Variants in ALMS1 observed in about 807,000 individuals in gnomAD.
ALMS1 encodes the protein centrosome-associated protein ALMS1.
In ALMS1, 271 loss-of-function variants were observed where a neutral mutation model predicts 352.2. The ratio of observed to expected loss-of-function variants is 0.77; its 90% CI spans 0.70 to 0.85. The LOEUF (loss-of-function observed/expected upper bound fraction) is 0.85. Ranked by LOEUF, ALMS1 falls within the 40% of genes least tolerant of loss-of-function variation. The probability of loss-of-function intolerance (pLI) is 0.00; values close to 1 mark genes in which losing one functional copy is unlikely to be tolerated. For synonymous variants in ALMS1, 1,865 were observed against 1,761.2 expected, an observed-to-expected ratio of 1.06 and a Z score of -1.48; for missense variants, 5,445 against 4,870.7, an observed-to-expected ratio of 1.12 and a Z score of -3.51.
Position 73,424,609 on chromosome 2 carries a change from C to G in ALMS1, c.944C>G (p.Ser315Cys). ...GGGTCTCAGTGCCCTTTTTTACCTT[C>G]TGAACAAGGGAATAATGAAGAGACT... ...AVGSQCPFLP[S>C]EQGNNEETIS... is the part of the protein sequence containing the mutation. Residue 315 changes from serine to cysteine, a missense_variant, in exon 5 of 23, where the codon TCT (serine) becomes TGT (cysteine). Ser to Cys is a moderately radical substitution (Grantham distance 112). Transcript: ENST00000613296. 4 of 1,613,946 alleles carry G rather than the reference C, an allele frequency of 2.5e-6. No individual in the cohort carries two copies. In the Middle Eastern group the frequency reaches 5.0e-4, roughly 200 times the overall value.
At chr2:73,526,440 T>C (rs1045900376) in intron 11 of ALMS1, among the ~76,000 whole-genome samples, 1 of 152,124 alleles carries the variant, frequency 6.6e-6, no homozygotes, top group African/African-American at 2.4e-5. Flanking sequence ...TATTTTTCCA[T>C]TTTTTTGTTG....
In ALMS1 at chr2:73,572,731, T is replaced by A. The variant is rs1460043103; in HGVS notation, c.10854T>A (p.Gly3618=). The A allele has an allele frequency of 1.2e-6, 2 of 1,613,948 alleles. No homozygotes were observed. Among genetic ancestry groups the A allele is most frequent in the African/African-American group, 1.3e-5 (1 of 74,892 alleles). The change falls in exon 16 of 23, where the codon GGT becomes GGA. Residue 3618 remains glycine (G), a synonymous_variant. Transcript: ENST00000613296. ...GGCAACAGAGACAGCCTGAGTTGGGTGACAGGAAAGAACTGTCCTTGGTGG... is the reference window on the plus strand; with the variant it reads ...GGCAACAGAGACAGCCTGAGTTGGGAGACAGGAAAGAACTGTCCTTGGTGG... The part of the protein sequence containing the change: ...RQRQQRQPEL[G]DRKELSLVDR...
chr2:73,442,543 A>C (rs901538675), intron 7 of ALMS1, among the ~76,000 whole-genome samples: 1 of 152,150 alleles, frequency 6.6e-6, no homozygotes, highest in Non-Finnish European at 1.5e-5. Context: ...CAGAGAGGGC[A>C]CCAATTTAAT....
At chr2:73,509,082 T>C (rs1416976921) in intron 10 of ALMS1, among the ~76,000 whole-genome samples, 1 of 152,198 alleles carries the variant, frequency 6.6e-6, no homozygotes, top group Non-Finnish European at 1.5e-5. Context: ...GTTGTTATTT[T>C]TTGCTTTCCA....
At chr2:73,495,679 G>C (rs1351895292) in intron 10 of ALMS1, among the ~76,000 whole-genome samples, 1 of 152,176 alleles carries the variant, frequency 6.6e-6, no homozygotes, top group Non-Finnish European at 1.5e-5. Flanking sequence ...AGGTAGATTT[G>C]TAAATTTATG....
chr2:73,483,726 C>T (rs923835927), intron 9 of ALMS1, among the ~76,000 whole-genome samples: 1 of 149,562 alleles, frequency 6.7e-6, no homozygotes, highest in Non-Finnish European at 1.5e-5. Context: ...TTGTAGGTCA[C>T]TCAGGACTTG....
chr2:73,557,072 A>G, intron 13 of ALMS1, 148 bp from the exon 14 acceptor site: 3 of 1,033,800 alleles, frequency 2.9e-6, no homozygotes, highest in East Asian at 4.8e-5. Context: ...TTCATGTCAC[A>G]GTTTTTACAC....
intron 21 of ALMS1, among the ~76,000 whole-genome samples, chr2:73,604,996 A>G (rs1675782603): frequency 6.6e-6 from 1 of 152,250 alleles, no homozygotes; most frequent in Non-Finnish European, 1.5e-5. Flanking sequence ...TGCACCGTGA[A>G]GGATGATGAC....
At chr2:73,563,808 G>A (rs970889037) in intron 15 of ALMS1, among the ~76,000 whole-genome samples, 2 of 151,402 alleles carry the variant, frequency 1.3e-5, no homozygotes, top group Non-Finnish European at 2.9e-5. Flanking sequence ...GAGGCAAAAG[G>A]TGCTTAACAG....
At chr2:73,603,450 C>T in intron 21 of ALMS1, 146 bp downstream of exon 21, 1 of 681,764 alleles carries the variant, frequency 1.5e-6, no homozygotes, top group Non-Finnish European at 2.5e-6. Flanking sequence ...TCACTTATGG[C>T]ACTGAAAAAA....
chr2:73,546,787 G>T (rs927655945), intron 12 of ALMS1, among the ~76,000 whole-genome samples: 4 of 152,156 alleles, frequency 2.6e-5, no homozygotes, highest in African/African-American at 7.2e-5. Context: ...TGATGCATTT[G>T]ACAAATGGAA....
chr2:73,586,172 A>G (rs961833932), intron 16 of ALMS1, among the ~76,000 whole-genome samples: 2 of 152,214 alleles, frequency 1.3e-5, no homozygotes, highest in Non-Finnish European at 2.9e-5. Flanking sequence ...TCTGCATATT[A>G]GTCCGTTGTC....
rs1444127665 is a variant in ALMS1 at position 73,419,265 on chromosome 2, C to G, written c.593C>G (p.Ser198Ter). 4 of 1,613,942 alleles carry G rather than the reference C, an allele frequency of 2.5e-6. No homozygotes were observed. The South Asian group carries it at 4.4e-5, about 18-fold the overall frequency. Residue 198 changes from serine to a stop codon, truncating the protein, a stop_gained, in exon 3 of 23, where the codon TCA (serine) becomes TGA (stop). Coordinates refer to ENST00000613296, the MANE Select transcript of ALMS1 (RefSeq NM_001378454.1). LOFTEE classifies it high-confidence loss of function. ...CTGGAGGAGGGCATATTGACGCAAT[C>G]AGAAAATCAAGTAAAGGAACCCAAC... ...PSLEEGILTQ[S>*]ENQVKEPNRD...
At position 73,449,795 on chromosome 2, in the gene ALMS1, C is replaced by T. The variant is rs376232524; in HGVS notation, c.3268C>T (p.Pro1090Ser). 3 of 1,614,008 alleles carry T rather than the reference C, an allele frequency of 1.9e-6. No homozygotes were observed. The highest frequency in any genetic ancestry group is 1.3e-5 in the African/African-American group (1 of 74,920). Reference sequence around the variant, plus strand: ...ACCAGCTGACCAGATGACTGACACACCAGCAGTACCGTCTACTTTCTACTC... The same window carrying T: ...ACCAGCTGACCAGATGACTGACACATCAGCAGTACCGTCTACTTTCTACTC... ...PGPADQMTDT[P>S]AVPSTFYSQR... The change falls in exon 8 of 23, where the codon CCA becomes TCA. Residue 1090 changes from proline to serine, a missense_variant. Transcript: ENST00000613296.
chr2:73,495,344 C>G (rs551570783), intron 10 of ALMS1, among the ~76,000 whole-genome samples: 51 of 152,250 alleles, frequency 3.3e-4, no homozygotes, highest in African/African-American at 1.2e-3. Flanking sequence ...AAGCAATTCA[C>G]CTGCCTCAGC....
intron 21 of ALMS1, chr2:73,603,542 T>A: frequency 2.0e-6 from 1 of 498,792 alleles, no homozygotes; most frequent in Non-Finnish European, 3.6e-6. Context: ...AGGCTCCTCT[T>A]TATTAGAAAC....
At chr2:73,596,655 A>G (rs1235898819) in intron 16 of ALMS1, among the ~76,000 whole-genome samples, 1 of 151,804 alleles carries the variant, frequency 6.6e-6, no homozygotes, top group Non-Finnish European at 1.5e-5. Flanking sequence ...TATTTTTAGT[A>G]GAGACCGGGT....
At chr2:73,540,538 G>A (rs1055683290) in intron 12 of ALMS1, among the ~76,000 whole-genome samples, 3 of 152,172 alleles carry the variant, frequency 2.0e-5, no homozygotes, top group Non-Finnish European at 2.9e-5. Flanking sequence ...AATCTTAAAT[G>A]TAAATGGACT....
chr2:73,590,719 C>T (rs1675414214), intron 16 of ALMS1, among the ~76,000 whole-genome samples: 2 of 143,970 alleles, frequency 1.4e-5, no homozygotes, highest in Admixed American at 7.1e-5. Flanking sequence ...CGCTCTGTCA[C>T]CCAGGCTGGA....
Sources: allele counts gnomAD v4.1 joint callset (sites outside exome capture counted in the v4.1 genomes callset), GRCh38; gene constraint gnomAD v4.1.1; transcripts MANE v1.5; gene names NCBI Gene and HGNC (gene_info 2026-07-23, HGNC 2026-07-21).